Variants in PLOD2 observed in about 807,000 individuals in gnomAD.
PLOD2 encodes lysine hydroxylase 2.
A neutral mutation model predicts 101.0 loss-of-function variants in PLOD2; 65 were observed. The observed-to-expected ratio is 0.64, with a 90% CI of 0.53 to 0.79. PLOD2 has a LOEUF of 0.79. Ranked by LOEUF, PLOD2 falls within the 30% of genes least tolerant of loss-of-function variation. The pLI is 0.00. For missense variants in PLOD2, 909 were observed against 914.6 expected (o/e 0.99, Z 0.08); for synonymous variants, 314 against 302.9 (o/e 1.04, Z -0.38).
chr3:146,078,042 C>G, intron 13 of PLOD2, 118 bp from the exon 14 acceptor site: 1 of 743,924 alleles, frequency 1.3e-6, no homozygotes, highest in Non-Finnish European at 2.5e-6. Flanking sequence ...AAATGTCCTT[C>G]ATAGACAACA....
intron 3 of PLOD2, among the ~76,000 whole-genome samples, chr3:146,111,954 C>T (rs1284487718): frequency 2.6e-5 from 4 of 151,944 alleles, no homozygotes; most frequent in South Asian, 2.1e-4. Context: ...GACTACCATG[C>T]GAGTGATAAA....
Position 146,076,882 on chromosome 3 carries a change from T to C in PLOD2, c.1577A>G (p.Tyr526Cys). ...TCCAAATTCATGTCTATTAGAAATG[T>C]ACATAAATACACCCTATATGCCAGA... is the stretch of plus-strand genomic sequence containing the variant. ...MLSPPKGVFMYISNRHEFGRL... is the reference protein window; with the variant it reads ...MLSPPKGVFMCISNRHEFGRL... The change falls in exon 15 of 20, where the codon TAC becomes TGC. Residue 526 changes from tyrosine (Y) to cysteine (C), a missense_variant. By Grantham distance (194) the Tyr-to-Cys change is radical. Transcript: ENST00000282903. The C allele has an allele frequency of 6.5e-7, 1 of 1,535,480 alleles. No individual in the cohort carries two copies. Among genetic ancestry groups the C allele is most frequent in the Non-Finnish European group, 9.0e-7 (1 of 1,109,586 alleles).
intron 11 of PLOD2, 85 bp from the exon 12 acceptor site, chr3:146,081,948 C>A: frequency 1.6e-6 from 2 of 1,239,886 alleles, no homozygotes; most frequent in South Asian, 2.8e-5. Flanking sequence ...GTATTTTGGG[C>A]TTAGTATGAC....
intron 1 of PLOD2, among the ~76,000 whole-genome samples, chr3:146,156,238 C>T (rs912537678): frequency 2.0e-5 from 3 of 152,190 alleles, no homozygotes; most frequent in African/African-American, 7.2e-5. Flanking sequence ...CAGAAGCCAG[C>T]TCCTTCCCAC....
intron 11 of PLOD2, among the ~76,000 whole-genome samples, chr3:146,084,964 A>G (rs2108016975): frequency 6.6e-6 from 1 of 152,264 alleles, no homozygotes; most frequent in East Asian, 1.9e-4. Flanking sequence ...GATTATAACT[A>G]ATATTAAATA....
At chr3:146,107,297 T>TA (rs1334494140) in intron 4 of PLOD2, among the ~76,000 whole-genome samples, 5 of 152,212 alleles carry the variant, frequency 3.3e-5, no homozygotes, top group African/African-American at 1.2e-4. Context: ...TCCTTGGCCT[T>TA]AAAGCATAAG....
chr3:146,088,451 A>C, intron 9 of PLOD2, 135 bp downstream of exon 9: 1 of 639,262 alleles, frequency 1.6e-6, no homozygotes, highest in East Asian at 2.8e-5. Context: ...GGTCCTAAAA[A>C]GGCAGGGCTG....
At chr3:146,128,885 T>C (rs889000729) in intron 1 of PLOD2, among the ~76,000 whole-genome samples, 1 of 129,682 alleles carries the variant, frequency 7.7e-6, no homozygotes, top group African/African-American at 3.1e-5. Flanking sequence ...AAATCCTTTT[T>C]TTTTTTTTTT....
chr3:146,104,517 G>A (rs560343840), intron 5 of PLOD2, among the ~76,000 whole-genome samples, 175 bp from the exon 6 acceptor site: 153 of 152,284 alleles, frequency 1.0e-3, no homozygotes, highest in Non-Finnish European at 1.6e-3. Context: ...TAGAAACTGC[G>A]ATAGTTGCAA....
At chr3:146,088,529 T>C (rs1023909701) in intron 9 of PLOD2, 57 bp downstream of exon 9, 40 of 1,230,692 alleles carry the variant, frequency 3.3e-5, no homozygotes, top group Admixed American at 5.7e-5. Context: ...TAACAAATAG[T>C]TCCAAAAAAG....
chr3:146,128,925 T>C (rs1435109310), intron 1 of PLOD2, among the ~76,000 whole-genome samples: 5 of 113,732 alleles, frequency 4.4e-5, no homozygotes, highest in Non-Finnish European at 8.3e-5. Context: ...GGAGTCTCAG[T>C]GGCACTGAAA....
chr3:146,156,062 G>A (rs2032292502), intron 1 of PLOD2, among the ~76,000 whole-genome samples: 1 of 152,122 alleles, frequency 6.6e-6, no homozygotes, highest in Non-Finnish European at 1.5e-5. Flanking sequence ...TTGATCATGA[G>A]AACACTACTT....
chr3:146,125,807 C>A (rs560400198), intron 1 of PLOD2, among the ~76,000 whole-genome samples: 1 of 152,098 alleles, frequency 6.6e-6, no homozygotes, highest in Admixed American at 6.6e-5. Context: ...AAGTTTCAAA[C>A]AGAGCTTAAC....
At chr3:146,092,028 A>G (rs1321897032) in intron 7 of PLOD2, 127 bp from the exon 8 acceptor site, 2 of 671,096 alleles carry the variant, frequency 3.0e-6, no homozygotes, top group Non-Finnish European at 5.5e-6. Context: ...TTCTACTAAT[A>G]TATCATCTGT....
At chr3:146,110,907 C>T (rs71300378) in intron 3 of PLOD2, among the ~76,000 whole-genome samples, 3,009 of 152,126 alleles carry the variant, frequency 0.02, 58 homozygotes, top group Non-Finnish European at 0.027. Context: ...TGCTAAATGT[C>T]ATCAATGTAT....
intron 3 of PLOD2, among the ~76,000 whole-genome samples, chr3:146,114,482 G>A (rs1937806230): frequency 6.6e-6 from 1 of 152,038 alleles, no homozygotes; most frequent in South Asian, 2.1e-4. Flanking sequence ...CTAACAACCA[G>A]ACATACTCTC....
rs932735415 is a variant in PLOD2 at position 146,121,335 on chromosome 3, C to T, written c.202-87G>A. On this transcript the variant is annotated intron_variant, in intron 2 of 19. Transcript: ENST00000282903. Reference sequence around the variant, plus strand: ...AACTTAAAGACATCATCAACTTGAACAGTACTGTACCGTAACCACTCTTCT... The same window carrying T: ...AACTTAAAGACATCATCAACTTGAATAGTACTGTACCGTAACCACTCTTCT... 3.7e-6 allele frequency: 4 copies of T among 1,074,444 alleles called. No individual in the cohort carries two copies. The African/African-American group carries it at 6.2e-5, about 17-fold the overall frequency. The allele number at this position is 1,074,444 out of a possible 1,614,324, so 66.6% of individuals were successfully genotyped here.
At chr3:146,106,702 C>G (rs1019024480) in intron 4 of PLOD2, 58 bp from the exon 5 acceptor site, 2 of 857,400 alleles carry the variant, frequency 2.3e-6, no homozygotes, top group Non-Finnish European at 2.0e-6. Context: ...AAACTGGTGT[C>G]ATGTTAATTT....
At chr3:146,099,757 G>A (rs1937319890) in intron 7 of PLOD2, among the ~76,000 whole-genome samples, 1 of 151,922 alleles carries the variant, frequency 6.6e-6, no homozygotes. Flanking sequence ...GGGAAAAGTG[G>A]GGTTCTACCA....
Sources: gnomAD v4.1 joint callset for allele counts (sites outside exome capture counted in the v4.1 genomes callset) on GRCh38, gnomAD v4.1.1 for gene constraint, MANE v1.5 for transcripts, NCBI Gene and HGNC (gene_info 2026-07-23, HGNC 2026-07-21) for gene names.